Variants in CHRM1 observed in about 807,000 individuals in gnomAD.
CHRM1 encodes the protein cholinergic receptor muscarinic 1.
CHRM1 carries 5 observed loss-of-function variants against 31.6 expected under a neutral mutation model. That is an observed-to-expected ratio of 0.16 (90% confidence interval 0.08 to 0.33). CHRM1 has a LOEUF of 0.33. Ranked by LOEUF, CHRM1 falls within the 10% of genes least tolerant of loss-of-function variation. The pLI is 1.00. For missense variants in CHRM1, 338 were observed against 610.3 expected, an observed-to-expected ratio of 0.55 and a Z score of 4.70; for synonymous variants, 227 against 249.7, an observed-to-expected ratio of 0.91 and a Z score of 0.86.
At chr11:62,912,368 A>C (rs1238947241) in intron 1 of CHRM1, among the ~76,000 whole-genome samples, 6 of 90,540 alleles carry the variant, frequency 6.6e-5, no homozygotes, top group Admixed American at 4.2e-4. Context: ...ACTCCATCTC[A>C]AAAAAAAAAA....
Position 62,911,041 on chromosome 11 carries a change from C to G in CHRM1, c.60G>C (p.Lys20Asn). ...CAATGAAGGCCACTTGCCAGGGACCCTTTCCTGGTGCCAGGACGGTGATGT... is the reference window on the plus strand; with the variant it reads ...CAATGAAGGCCACTTGCCAGGGACCGTTTCCTGGTGCCAGGACGGTGATGT... ...SPNITVLAPGKGPWQVAFIGI... is the reference protein window; with the variant it reads ...SPNITVLAPGNGPWQVAFIGI... Residue 20 changes from lysine to asparagine, a missense_variant, in exon 2 of 2, where the codon AAG (lysine) becomes AAC (asparagine). This residue lies in a region of CHRM1 where 85 missense variants were observed against 257.7 expected (regional missense o/e 0.33). Transcript: ENST00000306960. 1 of 1,614,170 alleles carries G rather than the reference C, an allele frequency of 6.2e-7. No individual in the cohort carries two copies. The highest frequency in any genetic ancestry group is 8.5e-7 in the Non-Finnish European group (1 of 1,180,032).
At chr11:62,914,315 G>A (rs931407615) in intron 1 of CHRM1, among the ~76,000 whole-genome samples, 2 of 152,190 alleles carry the variant, frequency 1.3e-5, no homozygotes, top group Non-Finnish European at 2.9e-5. Flanking sequence ...GATCATGCAA[G>A]GAAGGTAGGA....
chr11:62,919,390 G>C (rs143798885), intron 1 of CHRM1, among the ~76,000 whole-genome samples: 1 of 152,274 alleles, frequency 6.6e-6, no homozygotes, highest in Non-Finnish European at 1.5e-5. Context: ...AGAAGCATCA[G>C]CCCTAGAATC....
intron 1 of CHRM1, among the ~76,000 whole-genome samples, chr11:62,919,557 C>T (rs1263624950): frequency 6.6e-6 from 1 of 152,164 alleles, no homozygotes; most frequent in African/African-American, 2.4e-5. Context: ...CCGCAAGCCC[C>T]CTGCTCCTGG....
chr11:62,910,145 G>A lies in CHRM1; in HGVS notation c.956C>T (p.Pro319Leu). Reference protein sequence around the residue: ...PEAQAPTKQPPRSSPNTVKRP... With the variant: ...PEAQAPTKQPLRSSPNTVKRP... ...CTTGACTGTATTTGGGGAGCTCCGT[G>A]GGGGCTGCTTGGTGGGGGCCTGTGC... The change falls in exon 2 of 2, where the codon CCA (proline) becomes CTA (leucine). Residue 319 changes from proline (P) to leucine (L), a missense_variant. By Grantham distance (98) the Pro-to-Leu change is moderately conservative. Coordinates refer to ENST00000306960, the MANE Select transcript of CHRM1 (RefSeq NM_000738.3). This position sits in a 1 kb window ranked among gnomAD's most constrained non-coding sequence, Gnocchi z 8.7. 1 of 1,607,332 alleles carries A rather than the reference G, an allele frequency of 6.2e-7. No homozygotes were observed. Among genetic ancestry groups the A allele is most frequent in the East Asian group, 2.2e-5 (1 of 44,814 alleles).
chr11:62,914,614 A>G (rs995826857), intron 1 of CHRM1, among the ~76,000 whole-genome samples: 1 of 152,190 alleles, frequency 6.6e-6, no homozygotes, highest in Non-Finnish European at 1.5e-5. Context: ...AGTGCTATTT[A>G]ATGCCCATCG....
chr11:62,912,077 G>A (rs1217822109), intron 1 of CHRM1, among the ~76,000 whole-genome samples: 1 of 152,128 alleles, frequency 6.6e-6, no homozygotes, highest in Non-Finnish European at 1.5e-5. Flanking sequence ...CTAGTAAGAA[G>A]GTCTGGGGCA....
intron 1 of CHRM1, among the ~76,000 whole-genome samples, chr11:62,914,233 C>G (rs1008205486): frequency 6.6e-6 from 1 of 152,192 alleles, no homozygotes; most frequent in South Asian, 2.1e-4. Flanking sequence ...CGTGAGCCAC[C>G]GCGCCTGGCC....
At chr11:62,920,442 G>A (rs1011045852) in intron 1 of CHRM1, among the ~76,000 whole-genome samples, 1 of 152,260 alleles carries the variant, frequency 6.6e-6, no homozygotes, top group East Asian at 1.9e-4. Flanking sequence ...GGGCACTGGG[G>A]TGAGTACCTG....
intron 1 of CHRM1, chr11:62,916,826 C>G (rs2085902924): frequency 6.6e-6 from 1 of 152,226 alleles, no homozygotes; most frequent in Admixed American, 6.5e-5. Flanking sequence ...TCCACCTCAG[C>G]AAAACCCCTC....
intron 1 of CHRM1, among the ~76,000 whole-genome samples, chr11:62,912,393 G>T (rs2085876373): frequency 1.4e-5 from 2 of 147,156 alleles, no homozygotes. Flanking sequence ...AAACCAAAAG[G>T]AAAAAAAAAA....
At chr11:62,920,721 T>C (rs1423207334) in intron 1 of CHRM1, 1 of 152,158 alleles carries the variant, frequency 6.6e-6, no homozygotes, top group African/African-American at 2.4e-5. Context: ...TCAGTCCATC[T>C]TGGGGGAGCT....
Position 62,909,040 on chromosome 11 carries a change from G to C in CHRM1, c.*678C>G, listed in dbSNP as rs1392171691. Reference sequence around the variant, plus strand: ...GAAAATGATATTGTAGGACAGTCAGGACACCTGGCTCCTGGTCCTGTTGCT... The same window carrying C: ...GAAAATGATATTGTAGGACAGTCAGCACACCTGGCTCCTGGTCCTGTTGCT... On this transcript the variant is annotated 3_prime_UTR_variant, in exon 2 of 2. Coordinates refer to ENST00000306960, the MANE Select transcript of CHRM1 (RefSeq NM_000738.3). The C allele has an allele frequency of 6.6e-6, 1 of 152,522 alleles. No individual in the cohort carries two copies. The highest frequency in any genetic ancestry group is 2.1e-4 in the South Asian group (1 of 4,822). 9.4% of individuals were successfully genotyped at this position (152,522 alleles called of 1,614,324 possible).
rs1341618462 is a variant in CHRM1, at chr11:62,910,429, G to A, written c.672C>T (p.Ala224=). The change falls in exon 2 of 2, where the codon GCC becomes GCT. Residue 224 remains alanine, a synonymous_variant. Transcript: ENST00000306960. This position sits in a 1 kb window ranked among gnomAD's most constrained non-coding sequence, Gnocchi z 8.7. ...ETENRARELA[A]LQGSETPGKG... The stretch of plus-strand genomic sequence containing the variant: ...TGCCTGGCGTCTCGGAGCCCTGAAG[G>A]GCTGCCAGCTCCCGTGCTCGGTTCT... 1.9e-6 allele frequency: 3 copies of A among 1,613,218 alleles called. No homozygotes were observed. Among genetic ancestry groups the A allele is most frequent in the African/African-American group, 2.7e-5 (2 of 74,948 alleles).
intron 1 of CHRM1, among the ~76,000 whole-genome samples, chr11:62,918,817 G>C (rs12807867): frequency 1.3e-5 from 2 of 152,178 alleles, no homozygotes; most frequent in African/African-American, 4.8e-5. Context: ...ACCACTGGGG[G>C]AGGCAGGGAA....
chr11:62,912,813 TG>T (rs2085879044), intron 1 of CHRM1, among the ~76,000 whole-genome samples: 1 of 152,238 alleles, frequency 6.6e-6, no homozygotes, highest in Non-Finnish European at 1.5e-5. Flanking sequence ...CCCTCAGCTG[TG>T]GCCTCCAGGG....
chr11:62,920,059 T>C (rs1018180103), intron 1 of CHRM1, among the ~76,000 whole-genome samples: 3 of 152,196 alleles, frequency 2.0e-5, no homozygotes, highest in African/African-American at 7.2e-5. Flanking sequence ...TCTCCTTCCC[T>C]TTCATATCTC....
intron 1 of CHRM1, among the ~76,000 whole-genome samples, chr11:62,919,075 C>T (rs1053887795): frequency 1.6e-4 from 25 of 151,978 alleles, no homozygotes; most frequent in Admixed American, 1.6e-3. Flanking sequence ...CTCACATATG[C>T]AATGAGGAGG....
intron 1 of CHRM1, among the ~76,000 whole-genome samples, chr11:62,911,539 A>C (rs979349634): frequency 6.6e-6 from 1 of 152,168 alleles, no homozygotes; most frequent in Non-Finnish European, 1.5e-5. Flanking sequence ...TTCTCAAAGC[A>C]TTTCACTCAA....
Sources: gnomAD v4.1 joint callset for allele counts (sites outside exome capture counted in the v4.1 genomes callset) on GRCh38, gnomAD v4.1.1 for gene constraint, gnomAD v4.1.1 regional missense constraint, Gnocchi (gnomAD v3.1) non-coding constraint, MANE v1.5 for transcripts, NCBI Gene and HGNC (gene_info 2026-07-23, HGNC 2026-07-21) for gene names.